LHFPL6: variants seen among roughly 807,000 people sequenced by gnomAD.
LHFPL6 encodes LHFPL tetraspan subfamily member 6 protein.
Under a neutral mutation model 20.6 loss-of-function variants are expected in LHFPL6, and 9 were observed. The ratio of observed to expected loss-of-function variants is 0.44; its 90% CI spans 0.26 to 0.76. The LOEUF (loss-of-function observed/expected upper bound fraction) is 0.76. Among genes scored for constraint, LHFPL6 ranks in the 30% least tolerant of loss-of-function variants. LHFPL6 has a pLI of 0.20. For missense variants in LHFPL6, 218 were observed against 253.5 expected (o/e 0.86, Z 0.95); for synonymous variants, 105 against 98.7 (o/e 1.06, Z -0.38).
chr13:39,435,434 T>C (rs1304830683), intron 2 of LHFPL6, among the ~76,000 whole-genome samples: 5 of 152,192 alleles, frequency 3.3e-5, no homozygotes, highest in African/African-American at 1.2e-4. Context: ...TCTCAATACT[T>C]AAAGACCTTT....
intron 3 of LHFPL6, among the ~76,000 whole-genome samples, chr13:39,376,912 A>G (rs765671115): frequency 3.3e-5 from 5 of 152,162 alleles, no homozygotes; most frequent in Non-Finnish European, 7.4e-5. Context: ...CATTTGAGAA[A>G]GCAGCAGAAG....
chr13:39,556,502 T>C (rs1242106486), intron 2 of LHFPL6, among the ~76,000 whole-genome samples: 5 of 152,326 alleles, frequency 3.3e-5, no homozygotes, highest in South Asian at 2.1e-4. Flanking sequence ...ACTGTGTTTA[T>C]GCCCTAGGGA....
intron 2 of LHFPL6, among the ~76,000 whole-genome samples, chr13:39,483,145 A>G (rs1000339857): frequency 2.0e-5 from 3 of 152,234 alleles, no homozygotes; most frequent in African/African-American, 7.2e-5. Context: ...AATGAAACTT[A>G]AAACCACACT....
At chr13:39,378,123 A>G (rs1477008435) in intron 3 of LHFPL6, among the ~76,000 whole-genome samples, 1 of 152,188 alleles carries the variant, frequency 6.6e-6, no homozygotes, top group East Asian at 1.9e-4. Flanking sequence ...AATTATTTTT[A>G]GCCCATGCAA....
chr13:39,507,369 T>G (rs1370029835), intron 2 of LHFPL6, among the ~76,000 whole-genome samples: 1 of 152,070 alleles, frequency 6.6e-6, no homozygotes, highest in Non-Finnish European at 1.5e-5. Flanking sequence ...GGTTTTATTT[T>G]CCCTCTCACA....
At chr13:39,591,321 T>C (rs1239713068) in intron 2 of LHFPL6, among the ~76,000 whole-genome samples, 2 of 152,200 alleles carry the variant, frequency 1.3e-5, no homozygotes, top group Non-Finnish European at 2.9e-5. Flanking sequence ...TTGCAATTTG[T>C]AGCTGGAGTC....
chr13:39,396,174 T>TG (rs1033222139), intron 2 of LHFPL6, among the ~76,000 whole-genome samples: 10 of 152,014 alleles, frequency 6.6e-5, no homozygotes, highest in African/African-American at 2.2e-4. Context: ...AAGGTGAGCT[T>TG]GGGGGATGCA....
intron 2 of LHFPL6, among the ~76,000 whole-genome samples, chr13:39,524,510 A>C (rs1870225213): frequency 6.6e-6 from 1 of 152,258 alleles, no homozygotes; most frequent in African/African-American, 2.4e-5. Flanking sequence ...GCTCACTGAA[A>C]GAGAAGGGAA....
chr13:39,535,346 T>C (rs1440063965), intron 2 of LHFPL6, among the ~76,000 whole-genome samples: 1 of 152,252 alleles, frequency 6.6e-6, no homozygotes, highest in East Asian at 1.9e-4. Context: ...CTCTGTCTCC[T>C]CTTTTTGCTC....
chr13:39,406,417 T>C (rs980967255), intron 2 of LHFPL6, among the ~76,000 whole-genome samples: 1 of 152,200 alleles, frequency 6.6e-6, no homozygotes, highest in Non-Finnish European at 1.5e-5. Context: ...CAATGTCTGG[T>C]CTCATGTATT....
At chr13:39,496,747 T>A (rs1384670068) in intron 2 of LHFPL6, among the ~76,000 whole-genome samples, 1 of 152,198 alleles carries the variant, frequency 6.6e-6, no homozygotes, top group African/African-American at 2.4e-5. Flanking sequence ...TAATTACATC[T>A]CATTTTAGAG....
chr13:39,591,890 G>T (rs1173387129), intron 2 of LHFPL6, among the ~76,000 whole-genome samples: 1 of 152,128 alleles, frequency 6.6e-6, no homozygotes, highest in Admixed American at 6.5e-5. Context: ...AAAGTCAGGA[G>T]TTCAAGACCA....
At chr13:39,436,382 T>A (rs993045488) in intron 2 of LHFPL6, among the ~76,000 whole-genome samples, 10 of 152,348 alleles carry the variant, frequency 6.6e-5, no homozygotes, top group African/African-American at 2.4e-4. Context: ...CATAGCTTGC[T>A]TAAATAAAAA....
At chr13:39,558,540 A>G (rs1871377019) in intron 2 of LHFPL6, among the ~76,000 whole-genome samples, 1 of 152,300 alleles carries the variant, frequency 6.6e-6, no homozygotes, top group Admixed American at 6.5e-5. Flanking sequence ...CACCAATAGA[A>G]CTTGCTTCAA....
chr13:39,442,620 A>G (rs1872169853), intron 2 of LHFPL6, among the ~76,000 whole-genome samples: 1 of 152,338 alleles, frequency 6.6e-6, no homozygotes, highest in East Asian at 1.9e-4. Flanking sequence ...CTAAGTGTCT[A>G]TCTTTCTTGA....
intron 2 of LHFPL6, among the ~76,000 whole-genome samples, chr13:39,391,758 T>C (rs1870713793): frequency 1.3e-5 from 2 of 152,030 alleles, no homozygotes; most frequent in Admixed American, 6.6e-5. Context: ...GCCAACTCAC[T>C]TAAAAGAAAC....
intron 2 of LHFPL6, among the ~76,000 whole-genome samples, chr13:39,503,644 C>T (rs1593338953): frequency 6.6e-6 from 1 of 152,184 alleles, no homozygotes; most frequent in Admixed American, 6.5e-5. Flanking sequence ...GCAGTAGGTG[C>T]TCAATATTTG....
At chr13:39,569,579 C>T (rs769662979) in intron 2 of LHFPL6, among the ~76,000 whole-genome samples, 1 of 152,050 alleles carries the variant, frequency 6.6e-6, no homozygotes, top group African/African-American at 2.4e-5. Flanking sequence ...CAAGAATAAA[C>T]GGTGTTAAAT....
chr13:39,428,263 T>A (rs1871694734), intron 2 of LHFPL6, among the ~76,000 whole-genome samples: 1 of 152,252 alleles, frequency 6.6e-6, no homozygotes, highest in Non-Finnish European at 1.5e-5. Context: ...CCTATTCAAT[T>A]TTCTGCAAGA....
Sources: gnomAD v4.1 joint callset for allele counts (sites outside exome capture counted in the v4.1 genomes callset) on GRCh38, gnomAD v4.1.1 for gene constraint, MANE v1.5 for transcripts, NCBI Gene and HGNC (gene_info 2026-07-23, HGNC 2026-07-21) for gene names.